TCP11L1: variants seen among roughly 807,000 people sequenced by gnomAD.
The protein encoded by TCP11L1 is t-complex 11 like 1, also known as T-complex protein 11-like protein 1.
Under a neutral mutation model 48.9 loss-of-function variants are expected in TCP11L1, and 28 were observed. The observed-to-expected ratio is 0.57, with a 90% CI of 0.42 to 0.78. The LOEUF (loss-of-function observed/expected upper bound fraction) is 0.78. Among genes scored for constraint, TCP11L1 ranks in the 30% least tolerant of loss-of-function variants. The probability of loss-of-function intolerance (pLI) is 0.00; values close to 1 mark genes in which losing one functional copy is unlikely to be tolerated. For missense variants in TCP11L1, 505 were observed against 613.4 expected (o/e 0.82, Z 1.87); for synonymous variants, 204 against 231.9 (o/e 0.88, Z 1.09).
At chr11:33,062,206 G>A (rs534032415) in intron 7 of TCP11L1, among the ~76,000 whole-genome samples, 1 of 152,278 alleles carries the variant, frequency 6.6e-6, no homozygotes, top group East Asian at 1.9e-4. Context: ...TTCTAGTATA[G>A]TCACAGAGTT....
chr11:33,072,451 G>A, intron 9 of TCP11L1, 23 bp from the exon 10 acceptor site: 1 of 1,613,150 alleles, frequency 6.2e-7, no homozygotes, highest in Non-Finnish European at 8.5e-7. Flanking sequence ...AGAAACAACT[G>A]ACCACTTTCT....
intron 2 of TCP11L1, among the ~76,000 whole-genome samples, chr11:33,046,359 C>G (rs755384376): frequency 4.0e-4 from 61 of 152,256 alleles, no homozygotes; most frequent in Non-Finnish European, 7.5e-4. Context: ...TCTTGTCAGC[C>G]TGATGGCATG....
chr11:33,045,336 A>G (rs1202073586), intron 2 of TCP11L1, among the ~76,000 whole-genome samples: 54 of 147,112 alleles, frequency 3.7e-4, no homozygotes, highest in African/African-American at 1.2e-3. Context: ...CTGGGTGACA[A>G]AGTAAGACCC....
At position 33,072,718 on chromosome 11, in the gene TCP11L1, A is replaced by C; in HGVS notation, c.*42A>C. ...AGCAGCAGTATTACTCACTAGCCAC[A>C]GAATACCTGTTCTGTACTCTAATGT... On this transcript the variant is annotated 3_prime_UTR_variant, in exon 10 of 10. Transcript: ENST00000334274. 6.2e-7 allele frequency: 1 copy of C among 1,606,518 alleles called. No individual in the cohort carries two copies. Among genetic ancestry groups the C allele is most frequent in the Non-Finnish European group, 8.5e-7 (1 of 1,173,490 alleles).
At position 33,072,962 on chromosome 11, in the gene TCP11L1, T is replaced by C; in HGVS notation, c.*286T>C. On this transcript the variant is annotated 3_prime_UTR_variant, in exon 10 of 10. Transcript: ENST00000334274. ...TGTTGTCTCCACTCCTCCCCCATCA[T>C]GTCCTTCCAAGGAGGCTGGGACCTC... The C allele has an allele frequency of 2.5e-6, 1 of 399,544 alleles. No homozygotes were observed. The highest frequency in any genetic ancestry group is 5.8e-5 in the East Asian group (1 of 17,370). The allele number at this position is 399,544 out of a possible 1,614,324, so 24.7% of individuals were successfully genotyped here. A position where few individuals can be genotyped will look rare whatever the true frequency, so the allele number is the denominator to read the frequency against.
chr11:33,063,720 GCTT>G (rs1854531514), intron 7 of TCP11L1, among the ~76,000 whole-genome samples: 1 of 152,164 alleles, frequency 6.6e-6, no homozygotes, highest in South Asian at 2.1e-4. Context: ...GGGTACGTGA[GCTT>G]CTTATCACTA....
At chr11:33,069,447 C>A (rs1283214937) in intron 9 of TCP11L1, among the ~76,000 whole-genome samples, 1 of 151,476 alleles carries the variant, frequency 6.6e-6, no homozygotes, top group Non-Finnish European at 1.5e-5. Context: ...AATGCATATT[C>A]TATAAAATAT....
At chr11:33,044,199 TGCTCTGAGAA>T (rs1853920083) in intron 2 of TCP11L1, 1 of 315,774 alleles carries the variant, frequency 3.2e-6, no homozygotes, top group East Asian at 5.5e-5. Flanking sequence ...GTCTCTGAAG[TGCTCTGAGAA>T]ATAGGAGGGT....
chr11:33,067,090 T>C (rs1854641297), intron 8 of TCP11L1, among the ~76,000 whole-genome samples: 1 of 152,112 alleles, frequency 6.6e-6, no homozygotes, highest in African/African-American at 2.4e-5. Flanking sequence ...CAGAGCTGCA[T>C]GTATGTGGTT....
intron 2 of TCP11L1, among the ~76,000 whole-genome samples, chr11:33,045,967 A>G (rs1439709946): frequency 6.6e-6 from 1 of 152,256 alleles, no homozygotes; most frequent in Non-Finnish European, 1.5e-5. Flanking sequence ...ATAATGGGAA[A>G]CATGTTCTAG....
In TCP11L1 at chr11:33,061,598, C is replaced by A; in HGVS notation, c.844C>A (p.His282Asn). Residue 282 changes from histidine (H) to asparagine (N), a missense_variant, in exon 7 of 10, where the codon CAC becomes AAC. His to Asn is a moderately conservative substitution (Grantham distance 68, BLOSUM62 1). This residue lies in a region of TCP11L1 where 335 missense variants were observed against 413.3 expected (regional missense o/e 0.81). Coordinates refer to ENST00000334274, the MANE Select transcript of TCP11L1 (RefSeq NM_018393.4). ...GGACCTTATGACTCAGAAGTATAAA[C>A]ACGCCCTGCCAGTGGGGGGAATGGC... The part of the protein sequence containing the change: ...SEDLMTQKYK[H>N]ALPVGGMAAG... 1 of 1,612,690 alleles carries A rather than the reference C, an allele frequency of 6.2e-7. No individual in the cohort carries two copies. Among genetic ancestry groups the A allele is most frequent in the Non-Finnish European group, 8.5e-7 (1 of 1,179,426 alleles).
chr11:33,060,398 TG>T (rs1854434443), intron 6 of TCP11L1, among the ~76,000 whole-genome samples: 1 of 152,160 alleles, frequency 6.6e-6, no homozygotes, highest in East Asian at 1.9e-4. Flanking sequence ...TGAAGCCAGA[TG>T]GCCCAGGAGT....
intron 9 of TCP11L1, among the ~76,000 whole-genome samples, chr11:33,071,752 C>T (rs887601042): frequency 1.3e-5 from 2 of 152,184 alleles, no homozygotes; most frequent in Admixed American, 6.5e-5. Flanking sequence ...TGATCGTCAG[C>T]GATGGCTAAC....
chr11:33,072,241 G>A (rs955255655), intron 9 of TCP11L1, among the ~76,000 whole-genome samples: 1 of 152,188 alleles, frequency 6.6e-6, no homozygotes, highest in Non-Finnish European at 1.5e-5. Flanking sequence ...GAGACATGAT[G>A]AACAAGATGA....
chr11:33,046,631 T>G (rs1854002478), intron 2 of TCP11L1, among the ~76,000 whole-genome samples: 1 of 152,266 alleles, frequency 6.6e-6, no homozygotes, highest in African/African-American at 2.4e-5. Flanking sequence ...TTTGGCTGCC[T>G]TCCTATTTCT....
intron 2 of TCP11L1, among the ~76,000 whole-genome samples, chr11:33,044,716 C>T (rs1235530438): frequency 6.6e-6 from 1 of 152,188 alleles, no homozygotes; most frequent in Non-Finnish European, 1.5e-5. Context: ...AGTCAACATA[C>T]TATTCTTCTA....
chr11:33,057,020 T>C, intron 3 of TCP11L1, 95 bp from the exon 4 acceptor site: 1 of 1,535,282 alleles, frequency 6.5e-7, no homozygotes. Flanking sequence ...GGGATTGATC[T>C]TACCCTAAAC....
intron 2 of TCP11L1, among the ~76,000 whole-genome samples, chr11:33,047,398 A>G (rs1289833902): frequency 2.0e-5 from 3 of 152,180 alleles, no homozygotes; most frequent in African/African-American, 7.2e-5. Flanking sequence ...TTTTCTCTAA[A>G]ATCTTCTACT....
At chr11:33,051,375 G>GCCAGGATGGT (rs1377393596) in intron 2 of TCP11L1, among the ~76,000 whole-genome samples, 2 of 151,778 alleles carry the variant, frequency 1.3e-5, no homozygotes, top group Non-Finnish European at 2.9e-5. Flanking sequence ...CACCGTGTTA[G>GCCAGGATGGT]CCAGGATGGT....
Sources: gnomAD v4.1 joint callset for allele counts (sites outside exome capture counted in the v4.1 genomes callset) on GRCh38, gnomAD v4.1.1 for gene constraint, gnomAD v4.1.1 regional missense constraint, MANE v1.5 for transcripts, NCBI Gene and HGNC (gene_info 2026-07-23, HGNC 2026-07-21) for gene names.